The following LEPR variants were observed in gnomAD, a reference collection of about 807,000 sequenced individuals.
The protein encoded by LEPR is leptin receptor.
Under a neutral mutation model 114.7 loss-of-function variants are expected in LEPR, and 56 were observed. The observed-to-expected ratio is 0.49, with a 90% CI of 0.39 to 0.61. The LOEUF (loss-of-function observed/expected upper bound fraction) is 0.61. Ranked by LOEUF, LEPR falls within the 20% of genes least tolerant of loss-of-function variation. The probability of loss-of-function intolerance (pLI) is 0.00; values close to 1 mark genes in which losing one functional copy is unlikely to be tolerated. For synonymous variants in LEPR, 443 were observed against 461.4 expected, an observed-to-expected ratio of 0.96 and a Z score of 0.51; for missense variants, 1,202 against 1,352.9, an observed-to-expected ratio of 0.89 and a Z score of 1.75.
intron 19 of LEPR, chr1:65,635,034 C>T: frequency 2.3e-6 from 2 of 858,690 alleles, no homozygotes; most frequent in Middle Eastern, 6.1e-4. Flanking sequence ...ATATTTATTC[C>T]TTTATGCTTT....
chr1:65,529,734 T>C (rs1191304054), intron 2 of LEPR, among the ~76,000 whole-genome samples: 1 of 152,216 alleles, frequency 6.6e-6, no homozygotes, highest in Non-Finnish European at 1.5e-5. Flanking sequence ...TAGTCAGTTG[T>C]CAGTGTTCAT....
rs1408893196 is a variant in LEPR, at chr1:65,433,456, C to A, written c.-21+8078C>A. On this transcript the variant is annotated intron_variant, in intron 2 of 19. Transcript: ENST00000349533. ...AGAAAGGGAAATATGGGAAGGAGAA[C>A]CATTTGATCAGAATACAACCAATAG... The A allele has an allele frequency of 3.0e-6, 3 of 985,370 alleles. No homozygotes were observed. The African/African-American group carries it at 5.2e-5, about 17-fold the overall frequency. The allele number at this position is 985,370 out of a possible 1,614,324, so 61.0% of individuals were successfully genotyped here.
chr1:65,536,536 A>T (rs1016727720), intron 2 of LEPR, among the ~76,000 whole-genome samples: 2 of 152,186 alleles, frequency 1.3e-5, no homozygotes, highest in Admixed American at 6.5e-5. Flanking sequence ...TTTAACTATT[A>T]TACAGTATTT....
intron 2 of LEPR, among the ~76,000 whole-genome samples, chr1:65,455,305 G>A (rs1646853667): frequency 6.6e-6 from 1 of 152,222 alleles, no homozygotes; most frequent in Admixed American, 6.5e-5. Flanking sequence ...TCTCTGTCCA[G>A]CTTTGTTCCG....
chr1:65,525,889 G>A (rs1649918552), intron 2 of LEPR: 2 of 958,892 alleles, frequency 2.1e-6, no homozygotes, highest in Non-Finnish European at 2.5e-6. Flanking sequence ...CGAGAATGGG[G>A]CTTTGGGACG....
At chr1:65,632,966 A>C (rs529756333) in intron 19 of LEPR, among the ~76,000 whole-genome samples, 1 of 152,216 alleles carries the variant, frequency 6.6e-6, no homozygotes, top group East Asian at 1.9e-4. Context: ...ATTCATTAAG[A>C]AAATGGGAGA....
intron 2 of LEPR, among the ~76,000 whole-genome samples, chr1:65,492,825 T>C (rs889841971): frequency 8.6e-5 from 13 of 151,456 alleles, no homozygotes; most frequent in African/African-American, 1.7e-4. Flanking sequence ...TTTTTTTTTT[T>C]CCAAAAAAGT....
intron 2 of LEPR, among the ~76,000 whole-genome samples, chr1:65,505,748 C>A (rs1307864870): frequency 1.6e-5 from 1 of 64,360 alleles, no homozygotes; most frequent in East Asian, 4.9e-4. Flanking sequence ...AGGTAACTCA[C>A]CATCCCTTTT....
At chr1:65,602,041 CT>C in intron 10 of LEPR, 81 bp downstream of exon 10, 1 of 1,177,966 alleles carries the variant, frequency 8.5e-7, no homozygotes, top group Non-Finnish European at 1.3e-6. Flanking sequence ...CAACAGTAGT[CT>C]TACAGATTAT....
intron 2 of LEPR, among the ~76,000 whole-genome samples, chr1:65,507,500 TATATATATATAC>T (rs1187408567): frequency 1.6e-4 from 20 of 127,168 alleles, no homozygotes; most frequent in Middle Eastern, 3.7e-3. Context: ...TATGTGTGTG[TATATATATATAC>T]ATATATATGT....
At chr1:65,514,979 A>G (rs1266845043) in intron 2 of LEPR, among the ~76,000 whole-genome samples, 1 of 152,260 alleles carries the variant, frequency 6.6e-6, no homozygotes, top group Non-Finnish European at 1.5e-5. Flanking sequence ...TCATGATAAA[A>G]TGGAAACCAA....
rs759716825 is a variant in LEPR at position 65,636,904 on chromosome 1, C to T, written c.3387C>T (p.Asn1129=). ...SCSHFVENNI[N]LGTSSKKTFA... ...CACACTTTGTAGAAAATAATATCAA[C>T]TTAGGAACTTCTAGTAAGAAGACTT... The change falls in exon 20 of 20, where the codon AAC becomes AAT. Residue 1129 remains asparagine (N), a synonymous_variant. Coordinates refer to ENST00000349533, the MANE Select transcript of LEPR (RefSeq NM_002303.6). 3.9e-5 allele frequency: 62 copies of T among 1,606,732 alleles called. No homozygotes were observed. The highest frequency in any genetic ancestry group is 4.7e-5 in the Non-Finnish European group (55 of 1,177,106).
rs745669994 is a variant in LEPR, at chr1:65,598,639, T to G, written c.850-21T>G. The G allele has an allele frequency of 7.4e-6, 12 of 1,612,144 alleles. 1 individual carries two copies. In the South Asian group the frequency reaches 9.9e-5, roughly 13 times the overall value. ...TCCACATCAACTTGATGTTCTGATG[T>G]TTTAATATAATATTTAACAGGCTGA... is the stretch of plus-strand genomic sequence containing the variant. On this transcript the variant is annotated intron_variant, in intron 7 of 19. Coordinates refer to ENST00000349533, the MANE Select transcript of LEPR (RefSeq NM_002303.6).
At chr1:65,507,491 ATGTG>A (rs200960679) in intron 2 of LEPR, among the ~76,000 whole-genome samples, 17 of 141,782 alleles carry the variant, frequency 1.2e-4, no homozygotes, top group South Asian at 2.2e-4. Flanking sequence ...ATATGTATAT[ATGTG>A]TGTGTATATA....
chr1:65,433,703 T>A, intron 2 of LEPR: 1 of 948,632 alleles, frequency 1.1e-6, no homozygotes, highest in Non-Finnish European at 1.3e-6. Flanking sequence ...TTCCAATATT[T>A]ATATTAGAAA....
chr1:65,533,037 A>C (rs982009562), intron 2 of LEPR, among the ~76,000 whole-genome samples: 1 of 152,204 alleles, frequency 6.6e-6, no homozygotes, highest in Non-Finnish European at 1.5e-5. Context: ...TTTAAAAATA[A>C]AGTATATTTC....
chr1:65,534,779 C>T (rs1216207325), intron 2 of LEPR, among the ~76,000 whole-genome samples: 7 of 152,082 alleles, frequency 4.6e-5, no homozygotes, highest in African/African-American at 1.7e-4. Flanking sequence ...CACTAGATAA[C>T]AGCTGAAAGG....
rs911471902 is a variant in LEPR, at chr1:65,475,969, A to G, written c.-21+50591A>G. On this transcript the variant is annotated intron_variant, in intron 2 of 19. Transcript: ENST00000349533. ...GAGGTTGAGTCTGCAGTGAGCCATG[A>G]TCACGCCACTGCACTCCAGCCTGGG... Among the ~76,000 whole-genome samples the G allele has an allele frequency of 6.6e-5, 10 of 151,704 alleles. 1 individual carries two copies. The highest frequency in any genetic ancestry group is 2.1e-4 in the South Asian group (1 of 4,788).
At chr1:65,503,796 TACACACACACACACAC>T (rs71584485) in intron 2 of LEPR, among the ~76,000 whole-genome samples, 2 of 147,254 alleles carry the variant, frequency 1.4e-5, no homozygotes, top group East Asian at 2.1e-4. Flanking sequence ...TGAAGTTAGC[TACACACACACACACAC>T]ACACACACAC....
Sources: allele counts gnomAD v4.1 joint callset (sites outside exome capture counted in the v4.1 genomes callset), GRCh38; gene constraint gnomAD v4.1.1; transcripts MANE v1.5; gene names NCBI Gene and HGNC (gene_info 2026-07-23, HGNC 2026-07-21).